GABRA4: variants seen among roughly 807,000 people sequenced by gnomAD.
GABRA4 encodes gamma-aminobutyric acid receptor subunit alpha-4.
A neutral mutation model predicts 49.7 loss-of-function variants in GABRA4; 12 were observed. That is an observed-to-expected ratio of 0.24 (90% CI 0.15 to 0.39). GABRA4 has a LOEUF of 0.39. GABRA4 is among the 10% of genes least tolerant of loss of function. The probability of loss-of-function intolerance (pLI) is 1.00; values close to 1 mark genes in which losing one functional copy is unlikely to be tolerated. For missense variants in GABRA4, 506 were observed against 686.0 expected, an observed-to-expected ratio of 0.74 and a Z score of 2.93; for synonymous variants, 288 against 240.2, an observed-to-expected ratio of 1.20 and a Z score of -1.84.
intron 8 of GABRA4, among the ~76,000 whole-genome samples, chr4:46,946,008 G>A (rs1217947024): frequency 2.0e-5 from 3 of 152,082 alleles, no homozygotes; most frequent in Non-Finnish European, 2.9e-5. Context: ...AGAGCTGACT[G>A]TTGAACCCAA....
intron 8 of GABRA4, among the ~76,000 whole-genome samples, chr4:46,951,507 T>C (rs1457286256): frequency 6.6e-6 from 1 of 151,786 alleles, no homozygotes; most frequent in Non-Finnish European, 1.5e-5. Context: ...GATAGTAATA[T>C]TCCCACTTTG....
intron 8 of GABRA4, 25 bp from the exon 9 acceptor site, chr4:46,928,780 A>G (rs776540730): frequency 6.7e-7 from 1 of 1,498,272 alleles, no homozygotes; most frequent in African/African-American, 1.4e-5. Context: ...GAAAAAATAT[A>G]TTGGTTATGT....
At chr4:46,950,678 C>T (rs1722136928) in intron 8 of GABRA4, among the ~76,000 whole-genome samples, 1 of 146,508 alleles carries the variant, frequency 6.8e-6, no homozygotes, top group Admixed American at 6.8e-5. Context: ...CTTATCATTG[C>T]CCTCCCACGT....
chr4:46,987,945 A>T (rs1723600040), intron 2 of GABRA4, among the ~76,000 whole-genome samples: 1 of 152,042 alleles, frequency 6.6e-6, no homozygotes, highest in South Asian at 2.1e-4. Flanking sequence ...ACCCTATGAG[A>T]CCTGGCCTCT....
At chr4:46,949,385 T>C (rs781552466) in intron 8 of GABRA4, among the ~76,000 whole-genome samples, 13 of 151,970 alleles carry the variant, frequency 8.6e-5, no homozygotes, top group Non-Finnish European at 2.9e-5. Context: ...TTTACATTTG[T>C]TCCCTTGTTA....
intron 7 of GABRA4, among the ~76,000 whole-genome samples, 164 bp downstream of exon 7, chr4:46,970,919 C>A (rs1722930608): frequency 6.6e-6 from 1 of 151,494 alleles, no homozygotes; most frequent in African/African-American, 2.4e-5. Flanking sequence ...CAAATCTCCC[C>A]AAGCTTTATT....
chr4:46,923,934 C>G lies in GABRA4; in HGVS notation c.*4291G>C, dbSNP rs1039504266. The G allele has an allele frequency of 2.0e-5, 3 of 152,094 alleles. No homozygotes were observed. The highest frequency in any genetic ancestry group is 4.8e-5 in the African/African-American group (2 of 41,438). The allele number at this position is 152,094 out of a possible 1,614,324, so 9.4% of individuals were successfully genotyped here. A position where few individuals can be genotyped will look rare whatever the true frequency, so the allele number is the denominator to read the frequency against. On this transcript the variant is annotated 3_prime_UTR_variant, in exon 9 of 9. Transcript: ENST00000264318. ...AATTTGTAGTAAGAGTTCCCCTTGA[C>G]TTTCCACATCCTCATCTCTTCTCCT...
intron 8 of GABRA4, among the ~76,000 whole-genome samples, chr4:46,962,068 T>A (rs1017653693): frequency 6.6e-6 from 1 of 151,864 alleles, no homozygotes; most frequent in African/African-American, 2.4e-5. Context: ...AGGTCGAGAA[T>A]TCCTAATTTT....
chr4:46,993,144 C>A (rs912256514), intron 1 of GABRA4, among the ~76,000 whole-genome samples, 195 bp downstream of exon 1: 4 of 152,188 alleles, frequency 2.6e-5, no homozygotes, highest in African/African-American at 4.8e-5. Flanking sequence ...AGTGCCCACA[C>A]GCCTCTTGGA....
chr4:46,951,486 G>T (rs1483112984), intron 8 of GABRA4, among the ~76,000 whole-genome samples: 1 of 151,686 alleles, frequency 6.6e-6, no homozygotes, highest in Non-Finnish European at 1.5e-5. Context: ...CTCATAGCTT[G>T]TTACGCTGGA....
intron 8 of GABRA4, among the ~76,000 whole-genome samples, chr4:46,952,185 C>G (rs1722195705): frequency 6.6e-6 from 1 of 151,836 alleles, no homozygotes; most frequent in African/African-American, 2.4e-5. Context: ...AAATTGAACT[C>G]AAATTCAAGA....
intron 8 of GABRA4, among the ~76,000 whole-genome samples, chr4:46,950,455 G>A (rs1400570418): frequency 6.6e-6 from 1 of 151,908 alleles, no homozygotes; most frequent in African/African-American, 2.4e-5. Context: ...TTAAAAAGAA[G>A]CGACTAATAA....
At chr4:46,947,463 A>G (rs1470185158) in intron 8 of GABRA4, among the ~76,000 whole-genome samples, 2 of 152,006 alleles carry the variant, frequency 1.3e-5, no homozygotes, top group Non-Finnish European at 2.9e-5. Flanking sequence ...CCAGTTTAAA[A>G]TGGCCTACCA....
chr4:46,943,236 A>C (rs1288089782), intron 8 of GABRA4, among the ~76,000 whole-genome samples: 1 of 152,150 alleles, frequency 6.6e-6, no homozygotes, highest in African/African-American at 2.4e-5. Context: ...TTTAGATCTC[A>C]GAGATTAGCA....
chr4:46,935,453 C>T (rs1370160696), intron 8 of GABRA4, among the ~76,000 whole-genome samples: 1 of 152,128 alleles, frequency 6.6e-6, no homozygotes, highest in African/African-American at 2.4e-5. Context: ...TAATAAGATT[C>T]TGCCTCCAAA....
intron 2 of GABRA4, among the ~76,000 whole-genome samples, chr4:46,988,107 T>C (rs895116485): frequency 1.3e-5 from 2 of 152,170 alleles, no homozygotes; most frequent in African/African-American, 4.8e-5. Flanking sequence ...AGAATTACTT[T>C]TCTCTTACTC....
intron 8 of GABRA4, among the ~76,000 whole-genome samples, chr4:46,935,311 C>T (rs527596070): frequency 2.0e-5 from 3 of 152,234 alleles, no homozygotes; most frequent in South Asian, 2.1e-4. Context: ...AAAGTCCTTG[C>T]TATAGGAGTA....
At chr4:46,936,437 A>G (rs745407108) in intron 8 of GABRA4, among the ~76,000 whole-genome samples, 11 of 152,086 alleles carry the variant, frequency 7.2e-5, no homozygotes, top group Non-Finnish European at 1.3e-4. Context: ...TTTAGTAGAG[A>G]CAGAGTTTCT....
In GABRA4 at chr4:46,923,681, A is replaced by G. The variant is rs1266868895; in HGVS notation, c.*4544T>C. Reference sequence around the variant, plus strand: ...CTCTAGATTTGTGGCCCTCCAAACCATAGTTCACACAATAATCAGGTGCTT... The same window carrying G: ...CTCTAGATTTGTGGCCCTCCAAACCGTAGTTCACACAATAATCAGGTGCTT... On this transcript the variant is annotated 3_prime_UTR_variant, in exon 9 of 9. Transcript: ENST00000264318. 2 of 152,156 alleles carry G rather than the reference A, an allele frequency of 1.3e-5. No individual in the cohort carries two copies. The highest frequency in any genetic ancestry group is 3.8e-4 in the East Asian group (2 of 5,200). 9.4% of individuals were successfully genotyped at this position (152,156 alleles called of 1,614,324 possible).
Sources: gnomAD v4.1 joint callset for allele counts (sites outside exome capture counted in the v4.1 genomes callset) on GRCh38, gnomAD v4.1.1 for gene constraint, MANE v1.5 for transcripts, NCBI Gene and HGNC (gene_info 2026-07-23, HGNC 2026-07-21) for gene names.